Variants in PCDH15 observed in about 807,000 individuals in gnomAD.
The protein encoded by PCDH15 is protocadherin related 15.
PCDH15 carries 129 observed loss-of-function variants against 178.5 expected under a neutral mutation model. The ratio of observed to expected loss-of-function variants is 0.72; its 90% CI spans 0.63 to 0.84. The LOEUF (loss-of-function observed/expected upper bound fraction) is 0.84. Ranked by LOEUF, PCDH15 falls within the 40% of genes least tolerant of loss-of-function variation. The probability of loss-of-function intolerance (pLI) is 0.00; values close to 1 mark genes in which losing one functional copy is unlikely to be tolerated. For synonymous variants in PCDH15, 800 were observed against 732.0 expected (o/e 1.09, Z -1.50); for missense variants, 2,230 against 2,099.9 (o/e 1.06, Z -1.21).
At chr10:55,105,225 G>T (rs1842646203) in intron 2 of PCDH15, among the ~76,000 whole-genome samples, 1 of 152,088 alleles carries the variant, frequency 6.6e-6, no homozygotes, top group Admixed American at 6.6e-5. Flanking sequence ...TACATTTTAT[G>T]CATTCATGAC....
intron 2 of PCDH15, among the ~76,000 whole-genome samples, chr10:55,134,354 A>T (rs1406227424): frequency 6.6e-6 from 1 of 152,218 alleles, no homozygotes; most frequent in African/African-American, 2.4e-5. Context: ...AAGACAAATT[A>T]GTGACCTTCA....
chr10:54,952,691 C>T (rs953664806), intron 2 of PCDH15, among the ~76,000 whole-genome samples: 1 of 151,558 alleles, frequency 6.6e-6, no homozygotes, highest in Non-Finnish European at 1.5e-5. Context: ...TGTAGTTTTC[C>T]TCATATAGGC....
At chr10:54,711,802 C>T (rs2095430567) in intron 1 of PCDH15, among the ~76,000 whole-genome samples, 1 of 151,806 alleles carries the variant, frequency 6.6e-6, no homozygotes, top group Middle Eastern at 3.2e-3. Context: ...TTGAACAATG[C>T]TGTAGAGTTT....
chr10:54,519,361 A>G (rs1269888330), intron 3 of PCDH15, among the ~76,000 whole-genome samples: 1 of 152,130 alleles, frequency 6.6e-6, no homozygotes, highest in Admixed American at 6.5e-5. Flanking sequence ...AACTTCAGCA[A>G]AGTCTCAGGA....
intron 1 of PCDH15, among the ~76,000 whole-genome samples, chr10:55,180,617 T>C (rs1839622594): frequency 6.6e-6 from 1 of 152,134 alleles, no homozygotes; most frequent in South Asian, 2.1e-4. Context: ...ATTAAGGTCA[T>C]AAATTAGATG....
chr10:55,571,835 A>T (rs1842411808), intron 2 of PCDH15, among the ~76,000 whole-genome samples: 1 of 152,102 alleles, frequency 6.6e-6, no homozygotes, highest in African/African-American at 2.4e-5. Context: ...AAGTATGCCA[A>T]CTTGCCTTAG....
intron 10 of PCDH15, among the ~76,000 whole-genome samples, chr10:54,203,684 G>T (rs542710095): frequency 2.6e-4 from 39 of 152,006 alleles, no homozygotes; most frequent in Non-Finnish European, 5.1e-4. Context: ...TTCCCTTCCT[G>T]GACACCACAC....
At chr10:55,056,288 T>A (rs891128472) in intron 2 of PCDH15, among the ~76,000 whole-genome samples, 8 of 152,162 alleles carry the variant, frequency 5.3e-5, no homozygotes, top group Admixed American at 3.9e-4. Context: ...TCCTTTCCCA[T>A]TTGTCTGATT....
intron 3 of PCDH15, among the ~76,000 whole-genome samples, chr10:54,893,727 T>C (rs1049210235): frequency 2.0e-5 from 3 of 152,102 alleles, no homozygotes; most frequent in African/African-American, 4.8e-5. Context: ...TTTCCCAGAT[T>C]ACATAAAATA....
At chr10:55,306,584 C>T (rs997069155) in intron 1 of PCDH15, among the ~76,000 whole-genome samples, 1 of 152,082 alleles carries the variant, frequency 6.6e-6, no homozygotes, top group African/African-American at 2.4e-5. Context: ...CTATAAATTT[C>T]AAGTGTCAAG....
intron 2 of PCDH15, among the ~76,000 whole-genome samples, chr10:55,069,257 T>G (rs984677854): frequency 1.4e-5 from 2 of 145,816 alleles, no homozygotes; most frequent in East Asian, 2.1e-4. Flanking sequence ...TGTTTTTTTT[T>G]TTTTTTTTCA....
chr10:55,066,068 A>C (rs1045692421), intron 2 of PCDH15, among the ~76,000 whole-genome samples: 1 of 151,476 alleles, frequency 6.6e-6, no homozygotes. Flanking sequence ...TATGTCAGGA[A>C]TTTTTTTTGC....
intron 21 of PCDH15, among the ~76,000 whole-genome samples, chr10:53,982,431 C>G (rs2090730317): frequency 6.6e-6 from 1 of 152,006 alleles, no homozygotes; most frequent in Non-Finnish European, 1.5e-5. Flanking sequence ...AAATGTCCAA[C>G]AATGATAGAC....
At chr10:54,353,659 T>TTC (rs370888229) in intron 5 of PCDH15, among the ~76,000 whole-genome samples, 5 of 151,948 alleles carry the variant, frequency 3.3e-5, no homozygotes, top group South Asian at 2.1e-4. Context: ...ATGTTTTTTT[T>TTC]GTTTGTCCTT....
At chr10:54,813,011 C>T (rs1468971406) in intron 3 of PCDH15, among the ~76,000 whole-genome samples, 1 of 152,140 alleles carries the variant, frequency 6.6e-6, no homozygotes. Context: ...GCTTCAATTT[C>T]CAATCTTCCC....
At chr10:54,329,498 G>A (rs890978354) in intron 7 of PCDH15, 98 bp downstream of exon 7, 6 of 857,620 alleles carry the variant, frequency 7.0e-6, no homozygotes, top group Middle Eastern at 4.9e-4. Flanking sequence ...ATGAAGAAGT[G>A]AGTGGCACAG....
At chr10:55,351,851 G>A (rs550067271) in intron 2 of PCDH15, among the ~76,000 whole-genome samples, 1 of 152,130 alleles carries the variant, frequency 6.6e-6, no homozygotes. Context: ...ACATCTCTGC[G>A]TGTTCCTGAA....
intron 3 of PCDH15, among the ~76,000 whole-genome samples, chr10:54,851,916 T>C (rs1276686639): frequency 6.6e-6 from 1 of 152,174 alleles, no homozygotes; most frequent in Admixed American, 6.6e-5. Flanking sequence ...AAAATAAAGT[T>C]TTAAAATAAC....
chr10:54,708,025 C>G (rs2095384253), intron 1 of PCDH15, among the ~76,000 whole-genome samples: 1 of 152,008 alleles, frequency 6.6e-6, no homozygotes, highest in African/African-American at 2.4e-5. Context: ...CATGTTTTAG[C>G]AACAGGAAAA....
Sources: allele counts gnomAD v4.1 joint callset (sites outside exome capture counted in the v4.1 genomes callset), GRCh38; gene constraint gnomAD v4.1.1; transcripts MANE v1.5; gene names NCBI Gene and HGNC (gene_info 2026-07-23, HGNC 2026-07-21).